EPHA3: variants seen among roughly 807,000 people sequenced by gnomAD.
EPHA3 encodes the protein EPH receptor A3, also known as ephrin type-A receptor 3.
A neutral mutation model predicts 107.1 loss-of-function variants in EPHA3; 42 were observed. The ratio of observed to expected loss-of-function variants is 0.39; its 90% CI spans 0.31 to 0.51. The LOEUF (loss-of-function observed/expected upper bound fraction) is 0.51. Ranked by LOEUF, EPHA3 falls within the 20% of genes least tolerant of loss-of-function variation. The probability of loss-of-function intolerance (pLI) is 0.78; values close to 1 mark genes in which losing one functional copy is unlikely to be tolerated. For synonymous variants in EPHA3, 461 were observed against 424.8 expected (o/e 1.09, Z -1.05); for missense variants, 1,183 against 1,211.2 (o/e 0.98, Z 0.35).
rs2107181214 is a variant in EPHA3 at position 89,210,024 on chromosome 3, C to T, written c.318C>T (p.Cys106=). The T allele has an allele frequency of 6.2e-7, 1 of 1,614,004 alleles. No individual in the cohort carries two copies. Among genetic ancestry groups the T allele is most frequent in the Non-Finnish European group, 8.5e-7 (1 of 1,179,926 alleles). ...AGCTCAAGTTCACTCTACGAGACTG[C>T]AATAGCATTCCATTGGTTTTAGGAA... The part of the protein sequence containing the change: ...YVELKFTLRD[C]NSIPLVLGTC... Residue 106 remains cysteine, a synonymous_variant, in exon 3 of 17, where the codon TGC becomes TGT. Coordinates refer to ENST00000336596, the MANE Select transcript of EPHA3 (RefSeq NM_005233.6).
At chr3:89,439,249 G>A (rs1283941033) in intron 13 of EPHA3, among the ~76,000 whole-genome samples, 2 of 152,184 alleles carry the variant, frequency 1.3e-5, no homozygotes, top group Admixed American at 6.5e-5. Flanking sequence ...GGAAGACAAT[G>A]TAAGTCATTA....
chr3:89,129,961 A>G (rs1363984883), intron 2 of EPHA3, among the ~76,000 whole-genome samples: 2 of 152,218 alleles, frequency 1.3e-5, no homozygotes, highest in Non-Finnish European at 2.9e-5. Context: ...TGTAAACTTA[A>G]GAGGAAAAAA....
chr3:89,473,631 T>C (rs1351953176), intron 16 of EPHA3, among the ~76,000 whole-genome samples: 4 of 152,174 alleles, frequency 2.6e-5, no homozygotes, highest in Admixed American at 2.6e-4. Flanking sequence ...TCATATAGCC[T>C]TATAGTGCCA....
intron 2 of EPHA3, among the ~76,000 whole-genome samples, chr3:89,167,983 A>G (rs949089627): frequency 6.6e-6 from 1 of 152,112 alleles, no homozygotes. Flanking sequence ...CAAAATTATG[A>G]TTAGCATTTT....
Position 89,244,446 on chromosome 3 carries a change from T to G in EPHA3, c.814+33926T>G, listed in dbSNP as rs181879211. ...TCTGTACATCCAACATATTTAAATT[T>G]TTTCCAGTTAAAAAAAGATGAGTAC... On this transcript the variant is annotated intron_variant, in intron 3 of 16. Transcript: ENST00000336596. Among the ~76,000 whole-genome samples the G allele has an allele frequency of 1.2e-4, 19 of 152,178 alleles. No individual in the cohort carries two copies. In the East Asian group the frequency reaches 3.7e-3, roughly 29 times the overall value.
At chr3:89,147,497 G>A (rs567201570) in intron 2 of EPHA3, among the ~76,000 whole-genome samples, 2 of 151,916 alleles carry the variant, frequency 1.3e-5, no homozygotes, top group Non-Finnish European at 2.9e-5. Flanking sequence ...TTTTGCTTTG[G>A]CACCTCACAC....
chr3:89,359,539 G>T lies in EPHA3; in HGVS notation c.1306+17449G>T, dbSNP rs931883169. On this transcript the variant is annotated intron_variant, in intron 5 of 16. Coordinates refer to ENST00000336596, the MANE Select transcript of EPHA3 (RefSeq NM_005233.6). ...TATGTACATTTCACATGTAATACTG[G>T]TATTTACACACTATTTGCTGTATTT... 1.5e-4 allele frequency among the ~76,000 whole-genome samples: 23 copies of T among 149,850 alleles called. 1 individual carries two copies. Among genetic ancestry groups the T allele is most frequent in the Non-Finnish European group, 2.8e-4 (19 of 67,064 alleles).
chr3:89,385,851 A>C (rs1708607180), intron 5 of EPHA3, among the ~76,000 whole-genome samples: 1 of 152,178 alleles, frequency 6.6e-6, no homozygotes, highest in Non-Finnish European at 1.5e-5. Context: ...CTTCCTAGAG[A>C]CTTGTTAAAT....
At chr3:89,342,208 C>T in intron 5 of EPHA3, 118 bp downstream of exon 5, 1 of 820,218 alleles carries the variant, frequency 1.2e-6, no homozygotes, top group Non-Finnish European at 1.8e-6. Context: ...CAGGATTTTG[C>T]CTTCTAACAC....
chr3:89,479,695 G>T lies in EPHA3; in HGVS notation c.*193G>T. 1 of 497,736 alleles carries T rather than the reference G, an allele frequency of 2.0e-6. No homozygotes were observed. Among genetic ancestry groups the T allele is most frequent in the South Asian group, 3.8e-5 (1 of 26,198 alleles). The allele number at this position is 497,736 out of a possible 1,614,324, so 30.8% of individuals were successfully genotyped here. ...TCCCCTATCATTTATTGGATGGGTG[G>T]GTGGGGTATTTTTTTGTAATTGCTT... On this transcript the variant is annotated 3_prime_UTR_variant, in exon 17 of 17. Transcript: ENST00000336596.
intron 1 of EPHA3, among the ~76,000 whole-genome samples, chr3:89,119,767 G>A (rs1707336401): frequency 1.3e-5 from 2 of 152,118 alleles, no homozygotes; most frequent in South Asian, 2.1e-4. Flanking sequence ...GTATGTATGT[G>A]CACATGTGTG....
intron 3 of EPHA3, among the ~76,000 whole-genome samples, chr3:89,335,952 T>A (rs1707382613): frequency 6.6e-6 from 1 of 152,200 alleles, no homozygotes; most frequent in South Asian, 2.1e-4. Context: ...TGTATCTGCC[T>A]TAGTTAAGTA....
intron 3 of EPHA3, among the ~76,000 whole-genome samples, chr3:89,329,901 T>C (rs957477192): frequency 7.2e-5 from 11 of 152,168 alleles, no homozygotes; most frequent in African/African-American, 2.4e-4. Flanking sequence ...TGAAACTTTA[T>C]AGAGGCAAGT....
At chr3:89,317,175 A>G (rs1290191761) in intron 3 of EPHA3, among the ~76,000 whole-genome samples, 1 of 151,892 alleles carries the variant, frequency 6.6e-6, no homozygotes, top group Non-Finnish European at 1.5e-5. Flanking sequence ...ATGGTTATAG[A>G]AAATCAGATT....
intron 3 of EPHA3, among the ~76,000 whole-genome samples, chr3:89,320,736 C>T (rs1428080319): frequency 2.0e-5 from 3 of 151,996 alleles, no homozygotes; most frequent in South Asian, 2.1e-4. Context: ...TAAAACACCA[C>T]AAAAATATTT....
At chr3:89,344,514 A>G (rs1171425647) in intron 5 of EPHA3, among the ~76,000 whole-genome samples, 3 of 152,186 alleles carry the variant, frequency 2.0e-5, no homozygotes, top group East Asian at 3.9e-4. Context: ...TCTATCTTCA[A>G]ATCTCCAGGG....
intron 3 of EPHA3, among the ~76,000 whole-genome samples, chr3:89,228,670 A>G (rs1335299528): frequency 1.3e-5 from 2 of 151,978 alleles, no homozygotes; most frequent in African/African-American, 2.4e-5. Flanking sequence ...TGTAACACCT[A>G]TGAAAAATGT....
intron 3 of EPHA3, among the ~76,000 whole-genome samples, chr3:89,321,139 C>T (rs1329984921): frequency 6.6e-6 from 1 of 151,962 alleles, no homozygotes; most frequent in Non-Finnish European, 1.5e-5. Flanking sequence ...CCTTGTTAAA[C>T]TGACCCAGGA....
intron 3 of EPHA3, among the ~76,000 whole-genome samples, chr3:89,309,154 T>C (rs897117052): frequency 6.6e-6 from 1 of 152,136 alleles, no homozygotes; most frequent in African/African-American, 2.4e-5. Context: ...ACTGGGAGAT[T>C]ATTTTTGACA....
Sources: gnomAD v4.1 joint callset for allele counts (sites outside exome capture counted in the v4.1 genomes callset) on GRCh38, gnomAD v4.1.1 for gene constraint, MANE v1.5 for transcripts, NCBI Gene and HGNC (gene_info 2026-07-23, HGNC 2026-07-21) for gene names.